The following SMIM35 variants were observed in gnomAD, a reference collection of about 807,000 sequenced individuals.
SMIM35 encodes the protein TMPRSS4 antisense RNA 1 (non-protein coding).
chr11:118,022,666 G>A (rs1311443523), intron 1 of SMIM35, among the ~76,000 whole-genome samples: 1 of 152,152 alleles, frequency 6.6e-6, no homozygotes, highest in Non-Finnish European at 1.5e-5. Context: ...AAAGAATCCA[G>A]CTATGTGCAG....
At chr11:118,024,903 T>C (rs2058261811) in intron 1 of SMIM35, among the ~76,000 whole-genome samples, 1 of 152,216 alleles carries the variant, frequency 6.6e-6, no homozygotes, top group Non-Finnish European at 1.5e-5. Flanking sequence ...CAATAGTTAG[T>C]TCTTCAACCC....
intron 1 of SMIM35, among the ~76,000 whole-genome samples, chr11:118,049,335 C>A (rs1398094767): frequency 2.7e-5 from 4 of 147,136 alleles, no homozygotes; most frequent in South Asian, 2.2e-4. Flanking sequence ...TTGTTCCACC[C>A]TTAATTTTTT....
chr11:118,034,652 T>A (rs2058345081), intron 1 of SMIM35, among the ~76,000 whole-genome samples: 2 of 152,070 alleles, frequency 1.3e-5, no homozygotes, highest in Non-Finnish European at 2.9e-5. Context: ...TGCAGTGAGC[T>A]AAGATTGTGC....
At chr11:118,030,874 C>T (rs771257361) in intron 1 of SMIM35, among the ~76,000 whole-genome samples, 6 of 151,900 alleles carry the variant, frequency 3.9e-5, no homozygotes, top group Non-Finnish European at 7.4e-5. Context: ...CAAGTGGAGT[C>T]AGAGCCCAAC....
intron 1 of SMIM35, among the ~76,000 whole-genome samples, chr11:118,061,328 C>T (rs1028365153): frequency 6.6e-6 from 1 of 152,230 alleles, no homozygotes; most frequent in Non-Finnish European, 1.5e-5. Flanking sequence ...TAATGCCCAC[C>T]TCACAAGATT....
intron 1 of SMIM35, among the ~76,000 whole-genome samples, chr11:118,080,963 A>G (rs369851842): frequency 2.0e-5 from 3 of 152,210 alleles, no homozygotes; most frequent in African/African-American, 7.2e-5. Flanking sequence ...AAGTGCAATC[A>G]TCTACCACAT....
intron 1 of SMIM35, among the ~76,000 whole-genome samples, chr11:118,067,712 A>T (rs183604056): frequency 4.9e-4 from 74 of 150,916 alleles, no homozygotes; most frequent in African/African-American, 1.7e-3. Context: ...GTGCGCCTAT[A>T]GTTCAACTTC....
At chr11:118,017,819 G>A (rs1015438370) in intron 1 of SMIM35, among the ~76,000 whole-genome samples, 3 of 152,142 alleles carry the variant, frequency 2.0e-5, no homozygotes, top group African/African-American at 4.8e-5. Flanking sequence ...TTCACATGAC[G>A]GCAGGAAGGA....
At chr11:118,023,770 C>A (rs1234905365) in intron 1 of SMIM35, among the ~76,000 whole-genome samples, 1 of 152,038 alleles carries the variant, frequency 6.6e-6, no homozygotes, top group East Asian at 1.9e-4. Flanking sequence ...TGGTGGCTCA[C>A]GCCTGTAATC....
At chr11:118,021,137 C>G (rs895787446) in intron 1 of SMIM35, among the ~76,000 whole-genome samples, 1 of 151,072 alleles carries the variant, frequency 6.6e-6, no homozygotes. Flanking sequence ...AATTTTAATA[C>G]TAGCTCAATG....
At chr11:118,074,917 C>G (rs1786186) in intron 1 of SMIM35, among the ~76,000 whole-genome samples, 9 of 152,086 alleles carry the variant, frequency 5.9e-5, no homozygotes, top group African/African-American at 1.7e-4. Flanking sequence ...GTGCCTTCTT[C>G]CCGGACCTCT....
intron 1 of SMIM35, among the ~76,000 whole-genome samples, chr11:118,085,380 C>T (rs1172379514): frequency 3.3e-5 from 5 of 151,944 alleles, no homozygotes; most frequent in Admixed American, 1.3e-4. Context: ...CCTGCCACCA[C>T]GCCCAGCTAA....
At chr11:118,086,166 G>T (rs1302421099) in intron 1 of SMIM35, among the ~76,000 whole-genome samples, 1 of 152,206 alleles carries the variant, frequency 6.6e-6, no homozygotes, top group Admixed American at 6.5e-5. Flanking sequence ...TGTGAAATAG[G>T]AATAGTTACA....
At chr11:118,041,958 G>A (rs566682829) in intron 1 of SMIM35, among the ~76,000 whole-genome samples, 2 of 151,682 alleles carry the variant, frequency 1.3e-5, no homozygotes, top group Admixed American at 6.6e-5. Context: ...GGCTGAAGCA[G>A]GAGAATAGCT....
chr11:118,078,440 G>A (rs986018832), intron 1 of SMIM35, among the ~76,000 whole-genome samples: 20 of 152,316 alleles, frequency 1.3e-4, no homozygotes, highest in African/African-American at 4.6e-4. Flanking sequence ...CACTTCCCAC[G>A]ACACTCTTCT....
At chr11:118,068,393 C>T (rs957112507) in intron 1 of SMIM35, among the ~76,000 whole-genome samples, 2 of 152,176 alleles carry the variant, frequency 1.3e-5, no homozygotes, top group Non-Finnish European at 2.9e-5. Context: ...ACAGCACGAT[C>T]TCTGTGTCGA....
intron 1 of SMIM35, among the ~76,000 whole-genome samples, chr11:118,058,793 G>T (rs1282287242): frequency 1.3e-5 from 2 of 152,238 alleles, no homozygotes; most frequent in Non-Finnish European, 2.9e-5. Context: ...AAGGAATGGG[G>T]TGGGAGCTGT....
chr11:118,033,620 C>G (rs529979524), intron 1 of SMIM35, among the ~76,000 whole-genome samples: 2 of 152,176 alleles, frequency 1.3e-5, no homozygotes, highest in African/African-American at 2.4e-5. Context: ...GAAGGGTGAA[C>G]GCAGATTTTG....
chr11:118,048,537 A>AGAAGGAAGGAAGGAAGGAAGGAAGGAAG (rs59910847), intron 1 of SMIM35, among the ~76,000 whole-genome samples: 1 of 122,772 alleles, frequency 8.1e-6, no homozygotes, highest in Non-Finnish European at 1.7e-5. Flanking sequence ...GAAGAAAGAA[A>AGAAGGAAGGAAGGAAGGAAGGAAGGAAG]GAAGGAAGGA....
Sources: gnomAD v4.1 joint callset for allele counts (sites outside exome capture counted in the v4.1 genomes callset) on GRCh38, gnomAD v4.1.1 for gene constraint, MANE v1.5 for transcripts, NCBI Gene and HGNC (gene_info 2026-07-23, HGNC 2026-07-21) for gene names.